Variants in SYNJ2 observed in about 807,000 individuals in gnomAD.
SYNJ2 encodes synaptojanin 2, also known as polyphosphatidylinositol phosphatase SYNJ2.
SYNJ2 carries 116 observed loss-of-function variants against 141.3 expected under a neutral mutation model. The observed-to-expected ratio is 0.82, with a 90% CI of 0.71 to 0.96. SYNJ2 has a LOEUF of 0.96. Among genes scored for constraint, SYNJ2 ranks in the 40% least tolerant of loss-of-function variants. The pLI, the probability that SYNJ2 is intolerant of heterozygous loss-of-function variation, is 0.00. For synonymous variants in SYNJ2, 745 were observed against 777.7 expected, an observed-to-expected ratio of 0.96 and a Z score of 0.70; for missense variants, 1,873 against 1,934.8, an observed-to-expected ratio of 0.97 and a Z score of 0.60.
chr6:158,081,632 T>TTTC, intron 20 of SYNJ2, 122 bp downstream of exon 20: 1 of 282,366 alleles, frequency 3.5e-6, no homozygotes, highest in Non-Finnish European at 6.0e-6. Flanking sequence ...TTTTTTTTTT[T>TTTC]TTTCTCTGAG....
chr6:158,037,568 A>AT, intron 4 of SYNJ2, among the ~76,000 whole-genome samples: 1 of 151,520 alleles, frequency 6.6e-6, no homozygotes, highest in Middle Eastern at 3.4e-3. Flanking sequence ...CGCCCGGCTA[A>AT]TTTTTTGTAT....
At chr6:158,033,349 A>G in intron 3 of SYNJ2, 106 bp from the exon 4 acceptor site, 4 of 1,245,972 alleles carry the variant, frequency 3.2e-6, no homozygotes, top group Non-Finnish European at 3.4e-6. Flanking sequence ...CTGACCCGAA[A>G]TGCTGCACCG....
In SYNJ2 at chr6:158,006,695, C is replaced by T. The variant is rs558731232; in HGVS notation, c.128-10509C>T. ...AGCTAATTTTTGTTGTTGTTTGAGA[C>T]GGAGTCTCACTCTGTCGCCCTGGCT... is the stretch of plus-strand genomic sequence containing the variant. On this transcript the variant is annotated intron_variant, in intron 1 of 26. Coordinates refer to ENST00000355585, the MANE Select transcript of SYNJ2 (RefSeq NM_003898.4). Among the ~76,000 whole-genome samples the T allele has an allele frequency of 5.4e-4, 83 of 152,300 alleles. No individual in the cohort carries two copies. In the South Asian group the frequency reaches 0.013, roughly 24 times the overall value.
intron 25 of SYNJ2, among the ~76,000 whole-genome samples, chr6:158,091,769 AG>A (rs1177277757): frequency 1.3e-5 from 2 of 149,102 alleles, no homozygotes; most frequent in Non-Finnish European, 3.0e-5. Context: ...AAAAAAAAAA[AG>A]AATGAAGTGC....
intron 4 of SYNJ2, among the ~76,000 whole-genome samples, chr6:158,037,395 CTTTTT>C (rs869141011): frequency 1.5e-4 from 16 of 109,086 alleles, no homozygotes; most frequent in African/African-American, 5.8e-4. Flanking sequence ...TTGTCCTCAT[CTTTTT>C]TTTTTTTTTT....
chr6:158,080,474 C>T (rs533317259), intron 18 of SYNJ2, among the ~76,000 whole-genome samples: 1,459 of 90,942 alleles, frequency 0.016, 28 homozygotes, highest in African/African-American at 0.064. Context: ...GACTCTGACT[C>T]AAAATAAAAA....
At chr6:157,993,095 G>A (rs182632801) in intron 1 of SYNJ2, among the ~76,000 whole-genome samples, 291 of 149,954 alleles carry the variant, frequency 1.9e-3, no homozygotes, top group Non-Finnish European at 3.2e-3. Context: ...ACTACATAAC[G>A]TATATATAGT....
chr6:158,005,378 C>G (rs1193421983), intron 1 of SYNJ2, among the ~76,000 whole-genome samples: 3 of 152,170 alleles, frequency 2.0e-5, no homozygotes, highest in Admixed American at 6.5e-5. Flanking sequence ...CGCCCGGCCC[C>G]CAGTGATCTT....
intron 1 of SYNJ2, among the ~76,000 whole-genome samples, chr6:157,988,362 G>A (rs950089977): frequency 6.6e-5 from 10 of 152,218 alleles, no homozygotes; most frequent in Non-Finnish European, 1.3e-4. Context: ...AGGTAGTCAC[G>A]GTGGCATACT....
intron 6 of SYNJ2, among the ~76,000 whole-genome samples, chr6:158,055,917 A>C (rs973789674): frequency 6.6e-6 from 1 of 152,174 alleles, no homozygotes; most frequent in Non-Finnish European, 1.5e-5. Flanking sequence ...CATTATTAGT[A>C]TGTCCTGAGC....
Position 158,069,684 on chromosome 6 carries a change from T to G in SYNJ2, c.1940+11T>G, listed in dbSNP as rs776536659. 6.2e-7 allele frequency: 1 copy of G among 1,603,804 alleles called. No individual in the cohort carries two copies. Among genetic ancestry groups the G allele is most frequent in the Non-Finnish European group, 8.5e-7 (1 of 1,173,220 alleles). ...TGTCCCGTTCATCAGGTAAGAACAT[T>G]CTGTTTACACACATCTGGGGAACAA... is the stretch of plus-strand genomic sequence containing the variant. On this transcript the variant is annotated intron_variant, in intron 14 of 26. Coordinates refer to ENST00000355585, the MANE Select transcript of SYNJ2 (RefSeq NM_003898.4).
At chr6:158,009,134 C>T (rs1778172680) in intron 1 of SYNJ2, among the ~76,000 whole-genome samples, 1 of 152,248 alleles carries the variant, frequency 6.6e-6, no homozygotes, top group Non-Finnish European at 1.5e-5. Context: ...ATGAGGCCTT[C>T]TCAGACAACA....
intron 2 of SYNJ2, among the ~76,000 whole-genome samples, chr6:158,023,907 C>T (rs1054869368): frequency 1.3e-5 from 2 of 152,178 alleles, no homozygotes; most frequent in African/African-American, 2.4e-5. Flanking sequence ...CATTTCTTAG[C>T]GCTAACTCAG....
chr6:158,033,842 A>G (rs2295893), intron 4 of SYNJ2, among the ~76,000 whole-genome samples, 162 bp downstream of exon 4: 67,406 of 152,154 alleles, frequency 0.44, 16,777 homozygotes, highest in African/African-American at 0.69. Flanking sequence ...ATTGGGCTCC[A>G]CATGAAAATG....
In SYNJ2 at chr6:157,982,098, G is replaced by T; in HGVS notation, c.127+10G>T. 1 of 1,319,946 alleles carries T rather than the reference G, an allele frequency of 7.6e-7. No homozygotes were observed. The highest frequency in any genetic ancestry group is 9.7e-7 in the Non-Finnish European group (1 of 1,036,268). The allele number at this position is 1,319,946 out of a possible 1,614,324, so 81.8% of individuals were successfully genotyped here. On this transcript the variant is annotated intron_variant, in intron 1 of 26. Coordinates refer to ENST00000355585, the MANE Select transcript of SYNJ2 (RefSeq NM_003898.4). This position sits in a 1 kb window ranked among gnomAD's most constrained non-coding sequence, Gnocchi z 4.0. ...ACGGTGGCCACGCTGGGTGAGTCCG[G>T]GCCGGGGGCAGCGACGCCCGGAGGA... is the stretch of plus-strand genomic sequence containing the variant.
At chr6:158,029,051 G>T (rs547576438) in intron 3 of SYNJ2, 25 bp downstream of exon 3, 1 of 1,610,708 alleles carries the variant, frequency 6.2e-7, no homozygotes, top group South Asian at 1.1e-5. Context: ...CCCCTGCAGA[G>T]GGTGGGCCCT....
intron 6 of SYNJ2, 23 bp from the exon 7 acceptor site, chr6:158,059,234 C>T (rs753220546): frequency 3.3e-5 from 51 of 1,534,874 alleles, no homozygotes; most frequent in Middle Eastern, 4.3e-4. Context: ...CCCAGCATCA[C>T]GCCCACCCCG....
chr6:158,015,780 TA>T (rs1583319705), intron 1 of SYNJ2, among the ~76,000 whole-genome samples: 1 of 152,244 alleles, frequency 6.6e-6, no homozygotes, highest in Non-Finnish European at 1.5e-5. Flanking sequence ...TAACATTTTT[TA>T]AAAATTTTGA....
chr6:158,096,149 A>AT lies in SYNJ2; in HGVS notation c.4276_4277insT (p.Asn1426IlefsTer2). On this transcript the variant is annotated frameshift_variant, in exon 27 of 27. Transcript: ENST00000355585. LOFTEE classifies it low-confidence loss of function (END_TRUNC). ...CCTTCTTCACCACCCTAAACTGTTG[A>AT]ATAACACTTGGCTTTCTAAGAGCTC... The AT allele has an allele frequency of 1.9e-6, 3 of 1,614,242 alleles. No individual in the cohort carries two copies. Among genetic ancestry groups the AT allele is most frequent in the Non-Finnish European group, 2.5e-6 (3 of 1,180,044 alleles).
Sources: allele counts gnomAD v4.1 joint callset (sites outside exome capture counted in the v4.1 genomes callset), GRCh38; gene constraint gnomAD v4.1.1; non-coding constraint Gnocchi (gnomAD v3.1); transcripts MANE v1.5; gene names NCBI Gene and HGNC (gene_info 2026-07-23, HGNC 2026-07-21).